NRXN3: variants seen among roughly 807,000 people sequenced by gnomAD.
NRXN3 encodes the protein neurexin 3, also known as neurexin III.
Under a neutral mutation model 137.6 loss-of-function variants are expected in NRXN3, and 32 were observed. The ratio of observed to expected loss-of-function variants is 0.23; its 90% CI spans 0.18 to 0.31. The LOEUF is 0.31. NRXN3 is among the 10% of genes least tolerant of loss of function. The probability of loss-of-function intolerance (pLI) is 1.00; values close to 1 mark genes in which losing one functional copy is unlikely to be tolerated. For synonymous variants in NRXN3, 798 were observed against 784.5 expected, an observed-to-expected ratio of 1.02 and a Z score of -0.29; for missense variants, 1,574 against 2,062.5, an observed-to-expected ratio of 0.76 and a Z score of 4.59.
At chr14:79,636,867 G>C (rs1172393270) in intron 16 of NRXN3, among the ~76,000 whole-genome samples, 1 of 152,162 alleles carries the variant, frequency 6.6e-6, no homozygotes, top group Non-Finnish European at 1.5e-5. Context: ...GAGAACCTCT[G>C]CTCTGTCCTC....
rs139833922 is a variant in NRXN3 at position 78,912,077 on chromosome 14, C to A, written c.2276-45165C>A. On this transcript the variant is annotated intron_variant, in intron 10 of 20. Transcript: ENST00000335750. ...TAATGCTATCCCTCCCCCTGCCCCC[C>A]ATCCCACAACAGTCCCCGGTGTGTG... 2.6e-3 allele frequency among the ~76,000 whole-genome samples: 390 copies of A among 151,826 alleles called. 16 individuals are homozygous for A. The East Asian group carries it at 0.07, about 27-fold the overall frequency.
intron 1 of NRXN3, among the ~76,000 whole-genome samples, chr14:78,213,277 G>GA (rs869188490): frequency 2.5e-4 from 3 of 11,986 alleles, no homozygotes; most frequent in African/African-American, 2.3e-3. Context: ...GATCTGAGAT[G>GA]GGGGAAGAGA....
At chr14:79,112,402 C>A (rs2035284) in intron 15 of NRXN3, among the ~76,000 whole-genome samples, 2 of 152,040 alleles carry the variant, frequency 1.3e-5, no homozygotes, top group Non-Finnish European at 2.9e-5. Context: ...GCCTGGCTGG[C>A]GGCAATATTG....
At chr14:79,826,764 CA>C (rs752704323) in intron 20 of NRXN3, among the ~76,000 whole-genome samples, 3 of 152,142 alleles carry the variant, frequency 2.0e-5, no homozygotes, top group Non-Finnish European at 4.4e-5. Flanking sequence ...TTGTCAAGCT[CA>C]CCAACTTTTG....
At chr14:78,761,060 T>G (rs1348295087) in intron 8 of NRXN3, among the ~76,000 whole-genome samples, 1 of 152,224 alleles carries the variant, frequency 6.6e-6, no homozygotes, top group Non-Finnish European at 1.5e-5. Context: ...TTCATCATAT[T>G]AGCACCATAG....
intron 16 of NRXN3, among the ~76,000 whole-genome samples, chr14:79,628,959 A>G (rs2098312922): frequency 6.6e-6 from 1 of 152,128 alleles, no homozygotes; most frequent in South Asian, 2.1e-4. Flanking sequence ...CACCCATCAG[A>G]TATGTTTTGA....
chr14:79,551,262 T>C (rs1567474982), intron 16 of NRXN3, among the ~76,000 whole-genome samples: 1 of 152,132 alleles, frequency 6.6e-6, no homozygotes, highest in African/African-American at 2.4e-5. Context: ...TCCTGGCCCA[T>C]AACTTTCTGC....
chr14:78,557,648 G>A (rs749696152), intron 4 of NRXN3, among the ~76,000 whole-genome samples: 6 of 152,132 alleles, frequency 3.9e-5, no homozygotes, highest in East Asian at 1.9e-4. Flanking sequence ...GTGCTTTTAC[G>A]TCTCCTCCAG....
intron 10 of NRXN3, among the ~76,000 whole-genome samples, chr14:78,888,570 G>A (rs1273965915): frequency 2.0e-5 from 3 of 151,934 alleles, no homozygotes; most frequent in Non-Finnish European, 4.4e-5. Context: ...GAGAAGTGCC[G>A]AGCAGTGTGT....
At chr14:79,075,821 A>G (rs61992485) in intron 15 of NRXN3, among the ~76,000 whole-genome samples, 2,885 of 152,304 alleles carry the variant, frequency 0.019, 45 homozygotes, top group Middle Eastern at 0.048. Flanking sequence ...GCGGGGAGGC[A>G]GGAGAGGAAA....
chr14:78,736,019 A>G (rs1374402602), intron 8 of NRXN3, among the ~76,000 whole-genome samples: 2 of 152,150 alleles, frequency 1.3e-5, no homozygotes, highest in East Asian at 3.9e-4. Flanking sequence ...CATTCTCATG[A>G]CACTTCAGTG....
intron 4 of NRXN3, among the ~76,000 whole-genome samples, chr14:78,358,557 A>G (rs1476525152): frequency 6.6e-6 from 1 of 152,226 alleles, no homozygotes; most frequent in Admixed American, 6.5e-5. Context: ...TGTTGAGTCT[A>G]AGATTCCTGG....
chr14:78,437,615 C>G (rs1180144621), intron 4 of NRXN3, among the ~76,000 whole-genome samples: 1 of 152,164 alleles, frequency 6.6e-6, no homozygotes, highest in Non-Finnish European at 1.5e-5. Context: ...TCTCAAAGTG[C>G]TGAGATTACA....
intron 4 of NRXN3, among the ~76,000 whole-genome samples, chr14:78,550,129 G>A (rs2081634089): frequency 6.6e-6 from 1 of 150,786 alleles, no homozygotes; most frequent in Admixed American, 6.6e-5. Flanking sequence ...AACCTCCCCA[G>A]GCTCAAGTGA....
chr14:78,648,557 T>C (rs2097708924), intron 5 of NRXN3, among the ~76,000 whole-genome samples: 1 of 152,188 alleles, frequency 6.6e-6, no homozygotes. Flanking sequence ...AATTCTAAAC[T>C]GAAGGAAAAC....
chr14:79,773,681 C>A (rs565629327), intron 19 of NRXN3, among the ~76,000 whole-genome samples: 3 of 149,842 alleles, frequency 2.0e-5, no homozygotes, highest in Admixed American at 6.7e-5. Flanking sequence ...TAATGCTAGA[C>A]GATGAGTTAG....
chr14:79,583,448 T>G (rs221421), intron 16 of NRXN3, among the ~76,000 whole-genome samples: 78,721 of 151,952 alleles, frequency 0.52, 24,056 homozygotes, highest in African/African-American at 0.86. Context: ...ACTTTTTTTT[T>G]ATATTTGTTG....
At chr14:79,356,594 C>G (rs1008727048) in intron 15 of NRXN3, among the ~76,000 whole-genome samples, 1 of 152,148 alleles carries the variant, frequency 6.6e-6, no homozygotes, top group Non-Finnish European at 1.5e-5. Context: ...ATCTCTTTTA[C>G]TATGTGTCTT....
intron 15 of NRXN3, among the ~76,000 whole-genome samples, chr14:79,250,703 C>T (rs2075808284): frequency 6.6e-6 from 1 of 152,036 alleles, no homozygotes; most frequent in African/African-American, 2.4e-5. Context: ...ATTATATATC[C>T]AAGACAGAAT....
Sources: gnomAD v4.1 joint callset for allele counts (sites outside exome capture counted in the v4.1 genomes callset) on GRCh38, gnomAD v4.1.1 for gene constraint, MANE v1.5 for transcripts, NCBI Gene and HGNC (gene_info 2026-07-23, HGNC 2026-07-21) for gene names.